The following PHF20L1 variants were observed in gnomAD, a reference collection of about 807,000 sequenced individuals.
PHF20L1 encodes PHD finger protein 20-like protein 1.
Under a neutral mutation model 125.5 loss-of-function variants are expected in PHF20L1, and 44 were observed. That is an observed-to-expected ratio of 0.35 (90% CI 0.28 to 0.45). PHF20L1 has a LOEUF of 0.45. Ranked by LOEUF, PHF20L1 falls within the 20% of genes least tolerant of loss-of-function variation. PHF20L1 has a pLI of 1.00. For synonymous variants in PHF20L1, 380 were observed against 403.1 expected (o/e 0.94, Z 0.69); for missense variants, 1,012 against 1,217.2 (o/e 0.83, Z 2.51).
At chr8:132,808,497 T>C (rs995472384) in intron 8 of PHF20L1, 2 of 152,068 alleles carry the variant, frequency 1.3e-5, no homozygotes, top group African/African-American at 2.4e-5. Flanking sequence ...GATATAATTA[T>C]ATAATATATT....
intron 5 of PHF20L1, 58 bp downstream of exon 5, chr8:132,798,918 A>T: frequency 8.5e-7 from 1 of 1,182,236 alleles, no homozygotes; most frequent in Non-Finnish European, 1.2e-6. Flanking sequence ...ACGGTGACTG[A>T]TCAAAATATA....
intron 12 of PHF20L1, among the ~76,000 whole-genome samples, chr8:132,820,668 G>T (rs981400623): frequency 1.3e-5 from 2 of 151,876 alleles, no homozygotes; most frequent in Non-Finnish European, 2.9e-5. Flanking sequence ...TGAGATTATA[G>T]TAGATGATGT....
At chr8:132,829,156 A>G (rs766080567) in intron 14 of PHF20L1, among the ~76,000 whole-genome samples, 6 of 152,040 alleles carry the variant, frequency 3.9e-5, no homozygotes, top group Non-Finnish European at 8.8e-5. Context: ...AATATCAGCC[A>G]TGTTTTATTT....
intron 2 of PHF20L1, among the ~76,000 whole-genome samples, chr8:132,782,772 CTT>C (rs201732108): frequency 8.5e-5 from 12 of 141,896 alleles, no homozygotes; most frequent in African/African-American, 7.7e-5. Flanking sequence ...TTTTCTTTTT[CTT>C]TTTTTTTTTT....
intron 2 of PHF20L1, among the ~76,000 whole-genome samples, chr8:132,782,743 A>G (rs1263459181): frequency 6.6e-6 from 1 of 151,818 alleles, no homozygotes; most frequent in Non-Finnish European, 1.5e-5. Flanking sequence ...CGTATGCCAT[A>G]GTAACCTGCT....
intron 5 of PHF20L1, 49 bp downstream of exon 5, chr8:132,798,909 C>T (rs377464760): frequency 1.0e-5 from 13 of 1,259,390 alleles, no homozygotes; most frequent in African/African-American, 3.0e-5. Flanking sequence ...TCTTCTTGAA[C>T]GGTGACTGAT....
intron 10 of PHF20L1, chr8:132,815,648 T>G (rs1259342307): frequency 1.3e-5 from 2 of 151,950 alleles, no homozygotes; most frequent in Non-Finnish European, 2.9e-5. Flanking sequence ...TATGACATGT[T>G]TCCTTATTCC....
At chr8:132,845,389 TTAATAGAA>T (rs1838333806) in intron 20 of PHF20L1, among the ~76,000 whole-genome samples, 3 of 152,040 alleles carry the variant, frequency 2.0e-5, no homozygotes, top group African/African-American at 7.2e-5. Context: ...CGAGTCTAAA[TTAATAGAA>T]AGCTTGAGCA....
chr8:132,830,836 TTC>T (rs1836692869), intron 14 of PHF20L1, among the ~76,000 whole-genome samples: 1 of 152,058 alleles, frequency 6.6e-6, no homozygotes. Flanking sequence ...TCTTCTAAAC[TTC>T]TGTTTCTTCT....
chr8:132,843,164 A>G, intron 19 of PHF20L1: 1 of 1,073,216 alleles, frequency 9.3e-7, no homozygotes, highest in Non-Finnish European at 1.1e-6. Context: ...ACCACATTGT[A>G]TTCAAAACGA....
chr8:132,813,558 C>T (rs1014120621), intron 9 of PHF20L1, among the ~76,000 whole-genome samples: 1 of 151,906 alleles, frequency 6.6e-6, no homozygotes, highest in Non-Finnish European at 1.5e-5. Context: ...TAGTTATTCT[C>T]CACAAGATAT....
At chr8:132,801,107 G>A (rs922774382) in intron 6 of PHF20L1, among the ~76,000 whole-genome samples, 12 of 151,710 alleles carry the variant, frequency 7.9e-5, no homozygotes, top group Admixed American at 7.9e-4. Context: ...AAGAGCAGTA[G>A]TAATTACAGG....
At position 132,848,123 on chromosome 8, in the gene PHF20L1, T is replaced by A. The variant is rs527505352; in HGVS notation, c.*2200T>A. The A allele has an allele frequency of 6.6e-6, 1 of 152,236 alleles. No individual in the cohort carries two copies. The highest frequency in any genetic ancestry group is 1.9e-4 in the East Asian group (1 of 5,184). 9.4% of individuals were successfully genotyped at this position (152,236 alleles called of 1,614,324 possible). On this transcript the variant is annotated 3_prime_UTR_variant, in exon 21 of 21. Transcript: ENST00000395386. ...CCTCTTGATTCCTGGTGAACACGGT[T>A]AAATTCATGCACATTTGTTCTTGTA... is the stretch of plus-strand genomic sequence containing the variant.
chr8:132,776,035 C>T (rs531800605), intron 1 of PHF20L1, among the ~76,000 whole-genome samples: 1 of 152,246 alleles, frequency 6.6e-6, no homozygotes, highest in East Asian at 1.9e-4. Context: ...TTGTCATCTC[C>T]GAAAACTTCC....
chr8:132,844,009 G>T, intron 19 of PHF20L1, 147 bp from the exon 20 acceptor site: 1 of 1,419,392 alleles, frequency 7.0e-7, no homozygotes, highest in Non-Finnish European at 9.2e-7. Context: ...ATTTGGTTAT[G>T]TAGCAGTACT....
intron 19 of PHF20L1, chr8:132,843,136 G>C (rs1013890200): frequency 3.3e-5 from 37 of 1,124,578 alleles, no homozygotes; most frequent in Non-Finnish European, 3.9e-5. Flanking sequence ...AGTACATTTC[G>C]ATGCTTCTAA....
intron 2 of PHF20L1, among the ~76,000 whole-genome samples, chr8:132,780,954 G>A (rs1830357955): frequency 6.7e-6 from 1 of 148,408 alleles, no homozygotes; most frequent in Admixed American, 6.8e-5. Flanking sequence ...AAGCTATCCT[G>A]CCACCTCAGC....
At chr8:132,836,488 T>A in intron 15 of PHF20L1, 52 bp from the exon 16 acceptor site, 1 of 1,229,998 alleles carries the variant, frequency 8.1e-7, no homozygotes, top group Non-Finnish European at 1.2e-6. Context: ...TTATGAAAAA[T>A]AACATGAAAA....
intron 6 of PHF20L1, chr8:132,799,828 A>G (rs761167637): frequency 4.0e-5 from 6 of 151,894 alleles, no homozygotes; most frequent in Admixed American, 6.6e-5. Flanking sequence ...AAATTTAGTT[A>G]TGAAATGATT....
Sources: allele counts gnomAD v4.1 joint callset (sites outside exome capture counted in the v4.1 genomes callset), GRCh38; gene constraint gnomAD v4.1.1; transcripts MANE v1.5; gene names NCBI Gene and HGNC (gene_info 2026-07-23, HGNC 2026-07-21).